ADAMTS14: variants seen among roughly 807,000 people sequenced by gnomAD.
The protein encoded by ADAMTS14 is A disintegrin and metalloproteinase with thrombospondin motifs 14.
ADAMTS14 carries 100 observed loss-of-function variants against 128.6 expected under a neutral mutation model. The observed-to-expected ratio is 0.78, with a 90% confidence interval of 0.66 to 0.92. ADAMTS14 has a LOEUF of 0.92. Among genes scored for constraint, ADAMTS14 ranks in the 40% least tolerant of loss-of-function variants. The probability of loss-of-function intolerance (pLI) is 0.00; values close to 1 mark genes in which losing one functional copy is unlikely to be tolerated. For synonymous variants in ADAMTS14, 665 were observed against 653.8 expected, an observed-to-expected ratio of 1.02 and a Z score of -0.26; for missense variants, 1,562 against 1,658.6, an observed-to-expected ratio of 0.94 and a Z score of 1.01.
At chr10:70,752,920 T>A (rs1407916067) in intron 18 of ADAMTS14, among the ~76,000 whole-genome samples, 1 of 152,226 alleles carries the variant, frequency 6.6e-6, no homozygotes, top group Non-Finnish European at 1.5e-5. Context: ...AACCAGCCCC[T>A]CCTCTGCCCA....
intron 19 of ADAMTS14, among the ~76,000 whole-genome samples, chr10:70,754,823 C>T (rs374260679): frequency 2.3e-4 from 35 of 152,326 alleles, no homozygotes; most frequent in African/African-American, 8.2e-4. Context: ...GAGCGTTAGA[C>T]AGTCAGGGTA....
intron 2 of ADAMTS14, among the ~76,000 whole-genome samples, chr10:70,700,717 C>T (rs1840468073): frequency 6.6e-6 from 1 of 152,174 alleles, no homozygotes; most frequent in Admixed American, 6.5e-5. Flanking sequence ...TCCTTCAGGA[C>T]CCACAGATGG....
intron 10 of ADAMTS14, among the ~76,000 whole-genome samples, chr10:70,737,588 G>T (rs964474657): frequency 6.6e-6 from 1 of 152,236 alleles, no homozygotes; most frequent in Non-Finnish European, 1.5e-5. Context: ...CCCTAGCCAG[G>T]CTCCTCCTAT....
chr10:70,740,405 G>A (rs1841958361), intron 11 of ADAMTS14, among the ~76,000 whole-genome samples: 2 of 152,204 alleles, frequency 1.3e-5, no homozygotes, highest in South Asian at 2.1e-4. Context: ...ACACCAGGAG[G>A]TGAGTAAAAT....
At chr10:70,744,331 C>T (rs10823609) in intron 14 of ADAMTS14, 142 bp downstream of exon 14, 128,926 of 1,206,520 alleles carry the variant, frequency 0.11, 11,520 homozygotes, top group East Asian at 0.55. Context: ...CCTTCCTGGG[C>T]TGCCCAGGCT....
intron 2 of ADAMTS14, among the ~76,000 whole-genome samples, chr10:70,699,825 C>T (rs1186780677): frequency 6.6e-6 from 1 of 152,146 alleles, no homozygotes; most frequent in East Asian, 1.9e-4. Flanking sequence ...ACAGAGCCTT[C>T]CACTTCCTGG....
At chr10:70,683,122 G>A (rs529551446) in intron 2 of ADAMTS14, among the ~76,000 whole-genome samples, 32 of 152,348 alleles carry the variant, frequency 2.1e-4, no homozygotes, top group African/African-American at 6.3e-4. Flanking sequence ...GCTGTGGCAC[G>A]CTGTCCCTGG....
chr10:70,733,825 C>T, intron 7 of ADAMTS14, 60 bp from the exon 8 acceptor site: 4 of 1,560,294 alleles, frequency 2.6e-6, no homozygotes, highest in Non-Finnish European at 3.5e-6. Context: ...GCCTGCCTGC[C>T]TGCCTTCCCG....
At chr10:70,739,102 G>A in intron 11 of ADAMTS14, 112 bp downstream of exon 11, 1 of 1,323,022 alleles carries the variant, frequency 7.6e-7, no homozygotes, top group Non-Finnish European at 1.0e-6. Context: ...CCCTGTGGGT[G>A]GTTGTGTATG....
Position 70,743,697 on chromosome 10 carries a change from G to A in ADAMTS14, c.2058+16G>A. The A allele has an allele frequency of 6.4e-7, 1 of 1,558,278 alleles. No individual in the cohort carries two copies. The highest frequency in any genetic ancestry group is 1.2e-5 in the South Asian group (1 of 83,114). On this transcript the variant is annotated intron_variant, in intron 13 of 21. Coordinates refer to ENST00000373207, the MANE Select transcript of ADAMTS14 (RefSeq NM_080722.4). ...CGAGTGTGTGGTGGGTGCACCCCCA[G>A]CCACCCCGACTACCGGCACAGGGAG...
intron 6 of ADAMTS14, among the ~76,000 whole-genome samples, chr10:70,731,632 GCTGTCCTTCA>G (rs1469005429): frequency 6.6e-6 from 1 of 152,168 alleles, no homozygotes; most frequent in South Asian, 2.1e-4. Context: ...AGTTGTCTCA[GCTGTCCTTCA>G]CTGCCCTCCA....
rs777286793 is a variant in ADAMTS14, at chr10:70,708,678, G to A, written c.770G>A (p.Gly257Asp). The change falls in exon 4 of 22, where the codon GGC (glycine) becomes GAC (aspartate). Residue 257 changes from glycine to aspartate, a missense_variant. By Grantham distance (94) the Gly-to-Asp change is moderately conservative. Coordinates refer to ENST00000373207, the MANE Select transcript of ADAMTS14 (RefSeq NM_080722.4). ...CGGAAGCGGCGGCATGCCAAGCCAGGCAGCTACAGCATCGAGGTGCTGCTG... is the reference window on the plus strand; with the variant it reads ...CGGAAGCGGCGGCATGCCAAGCCAGACAGCTACAGCATCGAGGTGCTGCTG... Reference protein sequence around the residue: ...TERKRRHAKPGSYSIEVLLVV... With the variant: ...TERKRRHAKPDSYSIEVLLVV... 4.0e-5 allele frequency: 65 copies of A among 1,613,742 alleles called. No individual in the cohort carries two copies. Among genetic ancestry groups the A allele is most frequent in the Non-Finnish European group, 5.3e-5 (62 of 1,179,956 alleles).
chr10:70,707,495 T>C (rs1840702623), intron 3 of ADAMTS14, among the ~76,000 whole-genome samples: 1 of 152,186 alleles, frequency 6.6e-6, no homozygotes, highest in Non-Finnish European at 1.5e-5. Context: ...TTCTTAGCTT[T>C]CCCCGTGAGT....
chr10:70,712,655 A>T (rs1337330229), intron 4 of ADAMTS14, among the ~76,000 whole-genome samples: 3 of 152,076 alleles, frequency 2.0e-5, no homozygotes, highest in Non-Finnish European at 4.4e-5. Flanking sequence ...GCGTGCAGAC[A>T]GGAATTTTGC....
chr10:70,701,989 C>T (rs1231330457), intron 2 of ADAMTS14, among the ~76,000 whole-genome samples: 1 of 152,172 alleles, frequency 6.6e-6, no homozygotes, highest in African/African-American at 2.4e-5. Context: ...GCTTTTGTGC[C>T]TCTGCTTTTT....
intron 2 of ADAMTS14, among the ~76,000 whole-genome samples, chr10:70,680,329 C>T (rs1056018856): frequency 4.5e-4 from 69 of 152,012 alleles, no homozygotes; most frequent in African/African-American, 1.5e-3. Context: ...CGCTTGAACC[C>T]GGGAGGTGGA....
intron 9 of ADAMTS14, among the ~76,000 whole-genome samples, chr10:70,735,865 G>A (rs1439533021): frequency 6.6e-6 from 1 of 152,196 alleles, no homozygotes; most frequent in Non-Finnish European, 1.5e-5. Context: ...GCCACCCAGG[G>A]CCCAGGCTGA....
intron 4 of ADAMTS14, 48 bp downstream of exon 4, chr10:70,708,826 G>GGCCCCC: frequency 5.0e-6 from 2 of 396,626 alleles, no homozygotes; most frequent in East Asian, 7.1e-5. Context: ...GGTGGGGTGG[G>GGCCCCC]CCCCACCCCA....
At chr10:70,685,162 G>C (rs72814533) in intron 2 of ADAMTS14, among the ~76,000 whole-genome samples, 26,900 of 152,124 alleles carry the variant, frequency 0.18, 2,927 homozygotes, top group Middle Eastern at 0.25. Context: ...GTCTCTCCAT[G>C]TGCCTTCCAG....
Sources: gnomAD v4.1 joint callset for allele counts (sites outside exome capture counted in the v4.1 genomes callset) on GRCh38, gnomAD v4.1.1 for gene constraint, MANE v1.5 for transcripts, NCBI Gene and HGNC (gene_info 2026-07-23, HGNC 2026-07-21) for gene names.